Variants in TMTC2 observed in about 807,000 individuals in gnomAD.
TMTC2 encodes the protein transmembrane O-mannosyltransferase targeting cadherins 2.
Under a neutral mutation model 82.4 loss-of-function variants are expected in TMTC2, and 43 were observed. The ratio of observed to expected loss-of-function variants is 0.52; its 90% CI spans 0.41 to 0.67. TMTC2 has a LOEUF of 0.67. Among genes scored for constraint, TMTC2 ranks in the 30% least tolerant of loss-of-function variants. The pLI, the probability that TMTC2 is intolerant of heterozygous loss-of-function variation, is 0.00. For synonymous variants in TMTC2, 408 were observed against 381.9 expected (o/e 1.07, Z -0.80); for missense variants, 919 against 1,012.4 (o/e 0.91, Z 1.25).
chr12:82,944,172 A>G (rs33984139), intron 4 of TMTC2, among the ~76,000 whole-genome samples: 3,624 of 152,270 alleles, frequency 0.024, 72 homozygotes, highest in Non-Finnish European at 0.038. Context: ...TGGTGTCATA[A>G]TTATGTAAAT....
intron 11 of TMTC2, among the ~76,000 whole-genome samples, chr12:83,068,099 G>A (rs1882983254): frequency 6.6e-6 from 1 of 151,986 alleles, no homozygotes; most frequent in South Asian, 2.1e-4. Flanking sequence ...AAATAAATGA[G>A]CTTATTGACA....
chr12:82,740,253 GA>G (rs1875330327), intron 1 of TMTC2, among the ~76,000 whole-genome samples: 1 of 152,170 alleles, frequency 6.6e-6, no homozygotes, highest in African/African-American at 2.4e-5. Context: ...CTGCATTCTG[GA>G]AAAGTGGGGT....
At chr12:82,711,704 A>T (rs1000488767) in intron 1 of TMTC2, among the ~76,000 whole-genome samples, 2 of 152,216 alleles carry the variant, frequency 1.3e-5, no homozygotes, top group Non-Finnish European at 2.9e-5. Flanking sequence ...CTAGTGATTG[A>T]TGGTAAATGT....
chr12:82,698,131 A>G (rs748615755), intron 1 of TMTC2, among the ~76,000 whole-genome samples: 3 of 152,204 alleles, frequency 2.0e-5, no homozygotes, highest in Non-Finnish European at 2.9e-5. Context: ...AGGTGAATGC[A>G]CTATATCTGA....
chr12:82,937,769 T>TATAC (rs1565818335), intron 4 of TMTC2, among the ~76,000 whole-genome samples: 4 of 21,740 alleles, frequency 1.8e-4, no homozygotes, highest in South Asian at 2.0e-3. Flanking sequence ...TATATATATA[T>TATAC]ATATATATAT....
chr12:82,946,834 C>T lies in TMTC2; in HGVS notation c.1598+16289C>T, dbSNP rs1356458297. On this transcript the variant is annotated intron_variant, in intron 4 of 11. Transcript: ENST00000321196. Reference sequence around the variant, plus strand: ...TCGGCTCACTGCAAGCTCCACCTCCCGGGTTCACGCCATTCTCCTGCCTCA... The same window carrying T: ...TCGGCTCACTGCAAGCTCCACCTCCTGGGTTCACGCCATTCTCCTGCCTCA... 4.0e-5 allele frequency among the ~76,000 whole-genome samples: 6 copies of T among 151,716 alleles called. No homozygotes were observed. The East Asian group carries it at 7.8e-4, about 20-fold the overall frequency.
chr12:82,836,866 C>T (rs898028321), intron 1 of TMTC2, among the ~76,000 whole-genome samples: 3 of 152,056 alleles, frequency 2.0e-5, no homozygotes, highest in Non-Finnish European at 4.4e-5. Flanking sequence ...GCCTTCATTC[C>T]TTCATCACTG....
intron 11 of TMTC2, among the ~76,000 whole-genome samples, chr12:83,088,567 T>A (rs954796579): frequency 1.3e-5 from 2 of 152,220 alleles, no homozygotes; most frequent in Non-Finnish European, 2.9e-5. Flanking sequence ...AATTTCAATA[T>A]TGTTGTGTCT....
In TMTC2 at chr12:82,686,969, A is replaced by AGCTGGG. The variant is rs56311034; in HGVS notation, c.-593_-588dup. ...CGCTTCTCACTTCACTGGAGAAGGG[A>AGCTGGG]GCTGGGGCTGGGGCTGGGGCTGGGG... On this transcript the variant is annotated 5_prime_UTR_variant, in exon 1 of 12. Transcript: ENST00000321196. 66 of 153,406 alleles carry AGCTGGG rather than the reference A, an allele frequency of 4.3e-4. No homozygotes were observed. Among genetic ancestry groups the AGCTGGG allele is most frequent in the African/African-American group, 6.8e-4 (28 of 41,244 alleles). 9.5% of individuals were successfully genotyped at this position (153,406 alleles called of 1,614,324 possible). A position where few individuals can be genotyped will look rare whatever the true frequency, so the allele number is the denominator to read the frequency against.
chr12:82,943,899 G>C (rs1343772132), intron 4 of TMTC2, among the ~76,000 whole-genome samples: 1 of 152,158 alleles, frequency 6.6e-6, no homozygotes, highest in Non-Finnish European at 1.5e-5. Flanking sequence ...AGAATGTTAT[G>C]TAATAAAGTG....
At chr12:83,131,577 A>G (rs1354118016) in intron 11 of TMTC2, among the ~76,000 whole-genome samples, 1 of 152,150 alleles carries the variant, frequency 6.6e-6, no homozygotes, top group Admixed American at 6.5e-5. Context: ...ACTTCACTCT[A>G]TGGTAAACAT....
At position 83,004,722 on chromosome 12, in the gene TMTC2, A is replaced by ATTTTTT. The variant is rs528076999; in HGVS notation, c.2070+18716_2070+18721dup. Among the ~76,000 whole-genome samples the ATTTTTT allele has an allele frequency of 3.5e-3, 127 of 36,028 alleles. 36 individuals are homozygous for ATTTTTT. The highest frequency in any genetic ancestry group is 4.3e-3 in the Non-Finnish European group (82 of 18,962). 23.6% of individuals were successfully genotyped at this position (36,028 alleles called of 152,430 possible). The stretch of plus-strand genomic sequence containing the variant: ...TTCACAGGCAGTGTATACTGGCCGA[A>ATTTTTT]TTTTTTTTTTTTTTTTTTTTTTTTT... On this transcript the variant is annotated intron_variant, in intron 8 of 11. Transcript: ENST00000321196.
At chr12:82,953,210 T>C (rs1041709168) in intron 4 of TMTC2, among the ~76,000 whole-genome samples, 1 of 152,160 alleles carries the variant, frequency 6.6e-6, no homozygotes, top group Non-Finnish European at 1.5e-5. Flanking sequence ...GCAGGATTCT[T>C]GTGCTGCTCG....
At chr12:82,966,406 C>T (rs1324527626) in intron 6 of TMTC2, among the ~76,000 whole-genome samples, 1 of 152,000 alleles carries the variant, frequency 6.6e-6, no homozygotes, top group Admixed American at 6.6e-5. Flanking sequence ...CCCTGCCCTC[C>T]CACTCACGTA....
intron 9 of TMTC2, among the ~76,000 whole-genome samples, chr12:83,047,341 T>A (rs1882180970): frequency 6.6e-6 from 1 of 152,250 alleles, no homozygotes; most frequent in Non-Finnish European, 1.5e-5. Flanking sequence ...AAACCTACTA[T>A]TCTTTGTTTC....
chr12:82,722,635 G>A (rs1213838348), intron 1 of TMTC2, among the ~76,000 whole-genome samples: 1 of 150,708 alleles, frequency 6.6e-6, no homozygotes, highest in African/African-American at 2.4e-5. Flanking sequence ...CCACCTACTC[G>A]GGAGGCTGAG....
chr12:82,888,554 T>C (rs1475050154), intron 2 of TMTC2, among the ~76,000 whole-genome samples: 1 of 152,172 alleles, frequency 6.6e-6, no homozygotes. Flanking sequence ...TCCTGAGTAG[T>C]TGGGACTACA....
At chr12:82,878,322 C>G (rs1005107770) in intron 2 of TMTC2, among the ~76,000 whole-genome samples, 1 of 152,148 alleles carries the variant, frequency 6.6e-6, no homozygotes, top group Non-Finnish European at 1.5e-5. Context: ...TCACTTTGGG[C>G]CTCAACAACT....
intron 11 of TMTC2, among the ~76,000 whole-genome samples, chr12:83,112,181 C>A (rs1422720281): frequency 2.0e-5 from 3 of 152,068 alleles, no homozygotes; most frequent in Non-Finnish European, 2.9e-5. Context: ...TTATAAATTT[C>A]TTTTTTGGCT....
Sources: allele counts gnomAD v4.1 joint callset (sites outside exome capture counted in the v4.1 genomes callset), GRCh38; gene constraint gnomAD v4.1.1; transcripts MANE v1.5; gene names NCBI Gene and HGNC (gene_info 2026-07-23, HGNC 2026-07-21).